Variants in SPNS3 observed in about 807,000 individuals in gnomAD.
SPNS3 encodes the protein SPNS lysolipid transporter 3, sphingosine-1-phosphate (putative), also known as protein spinster homolog 3.
Under a neutral mutation model 54.4 loss-of-function variants are expected in SPNS3, and 51 were observed. That is an observed-to-expected ratio of 0.94 (90% CI 0.75 to 1.18). The LOEUF is 1.18. Among genes scored for constraint, SPNS3 ranks in the 50% most tolerant of loss-of-function variants. The pLI is 0.00. For missense variants in SPNS3, 669 were observed against 677.4 expected (o/e 0.99, Z 0.14); for synonymous variants, 309 against 294.7 (o/e 1.05, Z -0.50).
intron 8 of SPNS3, among the ~76,000 whole-genome samples, chr17:4,470,285 T>C (rs1049069172): frequency 2.0e-5 from 3 of 151,612 alleles, no homozygotes; most frequent in Non-Finnish European, 4.4e-5. Context: ...AAAAATTAAC[T>C]AAGTGTGGTG....
intron 8 of SPNS3, among the ~76,000 whole-genome samples, chr17:4,477,504 C>T (rs922403638): frequency 3.3e-5 from 5 of 151,664 alleles, no homozygotes; most frequent in East Asian, 1.9e-4. Context: ...TTCTCTCTTT[C>T]TTCTTGCTGC....
intron 8 of SPNS3, among the ~76,000 whole-genome samples, chr17:4,460,840 G>A (rs1009218706): frequency 2.6e-5 from 4 of 152,036 alleles, no homozygotes; most frequent in African/African-American, 9.7e-5. Context: ...GTCTTCATCT[G>A]GTTTTGGTAT....
In SPNS3 at chr17:4,487,904, C is replaced by G; in HGVS notation, c.*10C>G. The G allele has an allele frequency of 6.2e-7, 1 of 1,612,130 alleles. No individual in the cohort carries two copies. Among genetic ancestry groups the G allele is most frequent in the Non-Finnish European group, 8.5e-7 (1 of 1,178,402 alleles). The stretch of plus-strand genomic sequence containing the variant: ...TACAGAGGAGCCCTGAGGTCCCTGC[C>G]TACACTCGTCCTGCCTGCAAGCCTC... On this transcript the variant is annotated 3_prime_UTR_variant, in exon 12 of 12. Transcript: ENST00000355530.
rs558035005 is a variant in SPNS3, at chr17:4,480,317, G to A, written c.1179+1680G>A. On this transcript the variant is annotated intron_variant, in intron 9 of 11. Transcript: ENST00000355530. Reference sequence around the variant, plus strand: ...CTCAGTTTCCTTGTCTATAAAAGGGGTAATCACCACCTGCCCGGTAGGGTG... The same window carrying A: ...CTCAGTTTCCTTGTCTATAAAAGGGATAATCACCACCTGCCCGGTAGGGTG... Among the ~76,000 whole-genome samples the A allele has an allele frequency of 4.6e-5, 7 of 152,388 alleles. No homozygotes were observed. In the South Asian group the frequency reaches 1.2e-3, roughly 27 times the overall value.
At chr17:4,452,478 A>C (rs1485371111) in intron 7 of SPNS3, among the ~76,000 whole-genome samples, 1 of 151,936 alleles carries the variant, frequency 6.6e-6, no homozygotes, top group African/African-American at 2.4e-5. Context: ...GGGCTGCCTG[A>C]GAGGGGTTCA....
Position 4,445,099 on chromosome 17 carries a change from G to A in SPNS3, c.333G>A (p.Lys111=). The A allele has an allele frequency of 6.2e-7, 1 of 1,614,190 alleles. No homozygotes were observed. The highest frequency in any genetic ancestry group is 8.5e-7 in the Non-Finnish European group (1 of 1,180,008). ...FGYLGDRHSR[K]ATMSFGILLW... ...ACCTGGGCGACCGACATAGCCGCAA[G>A]GCTACCATGAGCTTCGGTATCTTGC... Residue 111 remains lysine, a synonymous_variant, in exon 3 of 12, where the codon AAG becomes AAA. Transcript: ENST00000355530.
At chr17:4,479,315 C>T (rs1475546266) in intron 9 of SPNS3, among the ~76,000 whole-genome samples, 3 of 152,224 alleles carry the variant, frequency 2.0e-5, no homozygotes, top group Non-Finnish European at 2.9e-5. Context: ...GGCGTGCAGA[C>T]GGGATGCCAT....
intron 8 of SPNS3, among the ~76,000 whole-genome samples, chr17:4,462,131 AT>A (rs1165557285): frequency 0.059 from 2 of 34 alleles, no homozygotes; most frequent in East Asian, 0.5. Flanking sequence ...CCATCCATCC[AT>A]CCATCCATCC....
intron 8 of SPNS3, among the ~76,000 whole-genome samples, chr17:4,455,148 A>G (rs899541313): frequency 2.6e-5 from 4 of 152,094 alleles, no homozygotes; most frequent in African/African-American, 9.7e-5. Context: ...TCCTGACCTC[A>G]GGCGATCCGC....
At chr17:4,460,520 C>T (rs1204758411) in intron 8 of SPNS3, among the ~76,000 whole-genome samples, 16 of 150,252 alleles carry the variant, frequency 1.1e-4, no homozygotes, top group African/African-American at 3.4e-4. Context: ...CAAGCTCTGC[C>T]GCCCGGGTTC....
At chr17:4,453,280 C>T (rs966676689) in intron 8 of SPNS3, 75 bp downstream of exon 8, 21 of 1,396,098 alleles carry the variant, frequency 1.5e-5, no homozygotes, top group Admixed American at 1.2e-4. Context: ...GCTCATGCTG[C>T]GCCCGGCCTT....
rs191360410 is a variant in SPNS3 at position 4,434,750 on chromosome 17, C to T, written c.199+584C>T. 9.9e-5 allele frequency among the ~76,000 whole-genome samples: 15 copies of T among 151,494 alleles called. No homozygotes were observed. In the East Asian group the frequency reaches 2.9e-3, roughly 30 times the overall value. On this transcript the variant is annotated intron_variant, in intron 1 of 11. Coordinates refer to ENST00000355530, the MANE Select transcript of SPNS3 (RefSeq NM_182538.5). ...CTCGAACTCCTGACCTCAGGTGATC[C>T]ACCCGCCTCGGCCTCCCAAAGTGCT...
chr17:4,446,677 G>A (rs1187316555), intron 4 of SPNS3: 15 of 603,618 alleles, frequency 2.5e-5, no homozygotes, highest in Middle Eastern at 4.4e-4. Flanking sequence ...AGAGAGTGGC[G>A]CTGGGGGTGG....
rs181412224 is a variant in SPNS3, at chr17:4,456,344, G to A, written c.1113+3139G>A. 1.6e-3 allele frequency among the ~76,000 whole-genome samples: 239 copies of A among 152,278 alleles called. 1 individual carries two copies. Among genetic ancestry groups the A allele is most frequent in the African/African-American group, 5.4e-3 (224 of 41,552 alleles). ...TGGGATAGCTCTGTTCTCTCGCCGA[G>A]TCCTGAAGGTGTGCTGGCACCTCTC... On this transcript the variant is annotated intron_variant, in intron 8 of 11. Coordinates refer to ENST00000355530, the MANE Select transcript of SPNS3 (RefSeq NM_182538.5).
chr17:4,470,653 C>CT (rs1362915823), intron 8 of SPNS3, among the ~76,000 whole-genome samples: 1 of 152,140 alleles, frequency 6.6e-6, no homozygotes, highest in Non-Finnish European at 1.5e-5. Flanking sequence ...GCTAAATCTA[C>CT]TTTCTGTCTT....
intron 7 of SPNS3, among the ~76,000 whole-genome samples, chr17:4,450,328 C>A (rs1233079591): frequency 7.2e-6 from 1 of 139,406 alleles, no homozygotes; most frequent in Non-Finnish European, 1.6e-5. Flanking sequence ...TTTCTCCCTC[C>A]CTCCCTCTCC....
At chr17:4,467,284 G>T (rs1159170371) in intron 8 of SPNS3, among the ~76,000 whole-genome samples, 2 of 152,048 alleles carry the variant, frequency 1.3e-5, no homozygotes, top group African/African-American at 4.8e-5. Context: ...CTGACTTAGG[G>T]GTTGTATCCG....
intron 8 of SPNS3, among the ~76,000 whole-genome samples, chr17:4,473,658 G>T (rs1294253561): frequency 1.3e-5 from 2 of 152,178 alleles, no homozygotes; most frequent in African/African-American, 4.8e-5. Flanking sequence ...AAAGTGCTGG[G>T]ATTACAGGTG....
At chr17:4,445,668 T>C (rs938550973) in intron 3 of SPNS3, among the ~76,000 whole-genome samples, 1 of 152,106 alleles carries the variant, frequency 6.6e-6, no homozygotes, top group Admixed American at 6.5e-5. Context: ...TGAGCCACCA[T>C]GCCTGGCCAA....
Sources: allele counts gnomAD v4.1 joint callset (sites outside exome capture counted in the v4.1 genomes callset), GRCh38; gene constraint gnomAD v4.1.1; transcripts MANE v1.5; gene names NCBI Gene and HGNC (gene_info 2026-07-23, HGNC 2026-07-21).